The following LDLRAD3 variants were observed in gnomAD, a reference collection of about 807,000 sequenced individuals.
The protein encoded by LDLRAD3 is low density lipoprotein receptor class A domain containing 3.
In LDLRAD3, 20 loss-of-function variants were observed where a neutral mutation model predicts 29.4. The observed-to-expected ratio is 0.68, with a 90% CI of 0.48 to 0.99. The LOEUF (loss-of-function observed/expected upper bound fraction) is 0.99, where lower values mean the gene tolerates loss of function less well. LDLRAD3 is among the 50% of genes least tolerant of loss of function. LDLRAD3 has a pLI of 0.00. For missense variants in LDLRAD3, 420 were observed against 454.3 expected (o/e 0.92, Z 0.69); for synonymous variants, 157 against 192.7 (o/e 0.81, Z 1.53).
chr11:36,173,343 C>A lies in LDLRAD3; in HGVS notation c.455-53742C>A, dbSNP rs181880284. On this transcript the variant is annotated intron_variant, in intron 4 of 5. Transcript: ENST00000315571. ...TAATGCTATCCCTCCCCCCTCCCCC[C>A]ACCCCACAACAGGCCCAGGTGTGTG... 9.2e-5 allele frequency among the ~76,000 whole-genome samples: 11 copies of A among 120,028 alleles called. 1 individual carries two copies. The highest frequency in any genetic ancestry group is 2.9e-4 in the African/African-American group (9 of 31,530). 78.7% of individuals were successfully genotyped at this position (120,028 alleles called of 152,430 possible).
intron 1 of LDLRAD3, among the ~76,000 whole-genome samples, chr11:36,031,057 T>C: frequency 6.6e-6 from 1 of 151,932 alleles, no homozygotes. Context: ...TTTGCCTTTG[T>C]CCAATAGAAT....
Position 36,036,106 on chromosome 11 carries a change from G to C in LDLRAD3, c.50G>C (p.Ser17Thr). 3 of 1,613,784 alleles carry C rather than the reference G, an allele frequency of 1.9e-6. No homozygotes were observed. The South Asian group carries it at 3.3e-5, about 18-fold the overall frequency. Residue 17 changes from serine to threonine, a missense_variant, in exon 2 of 6, where the codon AGC (serine) becomes ACC (threonine). Ser to Thr is a moderately conservative substitution (Grantham distance 58). Coordinates refer to ENST00000315571, the MANE Select transcript of LDLRAD3 (RefSeq NM_174902.4). ...LCLLLSSAAESQLLPGNNFTN... is the reference protein window; with the variant it reads ...LCLLLSSAAETQLLPGNNFTN... ...ACCTGTCCCCTCTCTCTGACAGAGA[G>C]CCAGCTGCTCCCCGGGAACAACTTC...
chr11:36,229,050 A>C (rs183702391), intron 5 of LDLRAD3, 110 bp from the exon 6 acceptor site: 1 of 750,908 alleles, frequency 1.3e-6, no homozygotes, highest in Admixed American at 2.2e-5. Context: ...CTCATTTCGC[A>C]CTGGAAACAC....
At chr11:36,191,661 C>T (rs1854955539) in intron 4 of LDLRAD3, among the ~76,000 whole-genome samples, 2 of 146,784 alleles carry the variant, frequency 1.4e-5, no homozygotes, top group African/African-American at 2.5e-5. Context: ...TGATAGAATA[C>T]TTAATGTATT....
intron 4 of LDLRAD3, among the ~76,000 whole-genome samples, chr11:36,211,667 T>C (rs2133381998): frequency 6.6e-6 from 1 of 152,230 alleles, no homozygotes; most frequent in Admixed American, 6.5e-5. Flanking sequence ...CTGCCTGGGG[T>C]CCCTGGCCCA....
chr11:36,124,666 G>A (rs1054802003), intron 4 of LDLRAD3, among the ~76,000 whole-genome samples: 4 of 151,496 alleles, frequency 2.6e-5, no homozygotes, highest in East Asian at 1.9e-4. Flanking sequence ...CACCTTGTCC[G>A]GCACGCTAGT....
intron 4 of LDLRAD3, chr11:36,109,881 C>G (rs1421192720): frequency 1.3e-5 from 2 of 152,134 alleles, no homozygotes; most frequent in African/African-American, 4.8e-5. Flanking sequence ...TTAGAGAGTC[C>G]GTAGGAAAGA....
intron 4 of LDLRAD3, among the ~76,000 whole-genome samples, chr11:36,187,589 G>A (rs995207721): frequency 6.6e-6 from 1 of 152,106 alleles, no homozygotes; most frequent in Admixed American, 6.5e-5. Flanking sequence ...CAGCTCAGCT[G>A]AGAAGCAGAC....
chr11:35,960,522 TC>T (rs1851263004), intron 1 of LDLRAD3, among the ~76,000 whole-genome samples: 1 of 152,230 alleles, frequency 6.6e-6, no homozygotes, highest in Non-Finnish European at 1.5e-5. Flanking sequence ...CCACTTTTCT[TC>T]CAACATTTGG....
At chr11:36,083,330 A>AC (rs2133259009) in intron 3 of LDLRAD3, among the ~76,000 whole-genome samples, 1 of 152,008 alleles carries the variant, frequency 6.6e-6, no homozygotes, top group African/African-American at 2.4e-5. Context: ...CCCTTTTTGT[A>AC]CCCCCACCAC....
intron 1 of LDLRAD3, among the ~76,000 whole-genome samples, chr11:35,965,395 C>T (rs996858583): frequency 6.6e-5 from 10 of 152,138 alleles, no homozygotes; most frequent in African/African-American, 2.4e-4. Flanking sequence ...CCAGGGTGTT[C>T]TTGTAACACA....
At chr11:36,081,281 A>T (rs568095737) in intron 2 of LDLRAD3, among the ~76,000 whole-genome samples, 2 of 152,194 alleles carry the variant, frequency 1.3e-5, no homozygotes, top group Non-Finnish European at 2.9e-5. Context: ...CTGAATGTTG[A>T]TTACAGTTCC....
At chr11:36,019,903 TTGTCACCTGCTGGA>T (rs1335770393) in intron 1 of LDLRAD3, among the ~76,000 whole-genome samples, 1 of 152,134 alleles carries the variant, frequency 6.6e-6, no homozygotes, top group African/African-American at 2.4e-5. Context: ...CAGAGAGGCG[TTGTCACCTGCTGGA>T]TGCACTTGGG....
rs190955032 is a variant in LDLRAD3, at chr11:36,101,852, C to T, written c.454+3391C>T. 8 of 329,594 alleles carry T rather than the reference C, an allele frequency of 2.4e-5. No individual in the cohort carries two copies. In the East Asian group the frequency reaches 7.5e-4, roughly 31 times the overall value. The allele number at this position is 329,594 out of a possible 1,614,324, so 20.4% of individuals were successfully genotyped here. ...GATAGTTTGACTAGACAAAATATTG[C>T]CCTATGCCACATAGGATTTGACCCA... is the stretch of plus-strand genomic sequence containing the variant. On this transcript the variant is annotated intron_variant, in intron 4 of 5. Coordinates refer to ENST00000315571, the MANE Select transcript of LDLRAD3 (RefSeq NM_174902.4).
chr11:36,204,014 T>A (rs944904665), intron 4 of LDLRAD3, among the ~76,000 whole-genome samples: 19 of 148,468 alleles, frequency 1.3e-4, no homozygotes, highest in Non-Finnish European at 2.2e-4. Flanking sequence ...GCTTTTAGTT[T>A]AAAAAAAAAA....
At chr11:36,218,628 AAGG>A (rs746441868) in intron 4 of LDLRAD3, among the ~76,000 whole-genome samples, 5 of 152,190 alleles carry the variant, frequency 3.3e-5, no homozygotes, top group Non-Finnish European at 5.9e-5. Context: ...GACAGAGAAA[AAGG>A]AGAATGTTCA....
At chr11:36,027,915 C>T (rs951690015) in intron 1 of LDLRAD3, among the ~76,000 whole-genome samples, 4 of 152,204 alleles carry the variant, frequency 2.6e-5, no homozygotes, top group African/African-American at 9.6e-5. Context: ...GCATGCCTAG[C>T]TCACTTCCTC....
Position 36,227,288 on chromosome 11 carries a change from C to T in LDLRAD3, c.658C>T (p.Leu220=), listed in dbSNP as rs1855513457. ...RLQHPVLLSR[L]VVLDHPHHCN... ...GCAGCACCCTGTGCTGCTGTCCCGC[C>T]TGGTGGTCCTGGACCACCCCCACCA... Residue 220 remains leucine, a synonymous_variant, in exon 5 of 6, where the codon CTG becomes TTG. Transcript: ENST00000315571. 2.5e-6 allele frequency: 4 copies of T among 1,613,974 alleles called. No homozygotes were observed. Among genetic ancestry groups the T allele is most frequent in the African/African-American group, 2.7e-5 (2 of 74,940 alleles).
At chr11:35,963,163 A>T (rs751945145) in intron 1 of LDLRAD3, among the ~76,000 whole-genome samples, 1 of 152,196 alleles carries the variant, frequency 6.6e-6, no homozygotes, top group Non-Finnish European at 1.5e-5. Context: ...TGGGATGAAC[A>T]TATTTGTGTC....
Sources: allele counts gnomAD v4.1 joint callset (sites outside exome capture counted in the v4.1 genomes callset), GRCh38; gene constraint gnomAD v4.1.1; transcripts MANE v1.5; gene names NCBI Gene and HGNC (gene_info 2026-07-23, HGNC 2026-07-21).